Variants in CFAP206 observed in about 807,000 individuals in gnomAD.
The protein encoded by CFAP206 is cilia- and flagella-associated protein 206.
A neutral mutation model predicts 65.4 loss-of-function variants in CFAP206; 53 were observed. The ratio of observed to expected loss-of-function variants is 0.81; its 90% CI spans 0.65 to 1.02. The LOEUF (loss-of-function observed/expected upper bound fraction) is 1.02. CFAP206 is among the 50% of genes least tolerant of loss of function. The probability of loss-of-function intolerance (pLI) is 0.00; values close to 1 mark genes in which losing one functional copy is unlikely to be tolerated. For synonymous variants in CFAP206, 250 were observed against 254.4 expected, an observed-to-expected ratio of 0.98 and a Z score of 0.17; for missense variants, 663 against 753.2, an observed-to-expected ratio of 0.88 and a Z score of 1.40.
At chr6:87,420,765 G>A (rs571938176) in intron 7 of CFAP206, among the ~76,000 whole-genome samples, 103 of 152,244 alleles carry the variant, frequency 6.8e-4, no homozygotes, top group Non-Finnish European at 1.3e-3. Context: ...TTTCCATACA[G>A]TATCTCATTT....
At position 87,410,588 on chromosome 6, in the gene CFAP206, A is replaced by G. The variant is rs764791876; in HGVS notation, c.112A>G (p.Lys38Glu). The G allele has an allele frequency of 6.2e-7, 1 of 1,612,968 alleles. No individual in the cohort carries two copies. Among genetic ancestry groups the G allele is most frequent in the South Asian group, 1.1e-5 (1 of 90,978 alleles). Residue 38 changes from lysine to glutamate, a missense_variant, in exon 3 of 13, where the codon AAA (lysine) becomes GAA (glutamate). Lys to Glu is a moderately conservative substitution (Grantham distance 56). Transcript: ENST00000369562. ...ACTCGTTCCTACTTTTTTCTAGGTG[A>G]AAGCTGTTGTCCTGGATCCAAGTAA... ...VSETLIAFMV[K>E]AVVLDPSNGF...
In CFAP206 at chr6:87,418,422, T is replaced by C. The variant is rs777928221; in HGVS notation, c.840+6T>C. The C allele has an allele frequency of 6.2e-7, 1 of 1,612,756 alleles. No homozygotes were observed. The highest frequency in any genetic ancestry group is 8.5e-7 in the Non-Finnish European group (1 of 1,178,962). On this transcript the variant is annotated splice_donor_region_variant and intron_variant, in intron 7 of 12. Transcript: ENST00000369562. ...TCTTCCTTCAGATCATTTTGGTGAG[T>C]TAAGTTCATAAGACCTGACCTTTTC...
rs139800738 is a variant in CFAP206 at position 87,464,240 on chromosome 6, A to G, written c.1859A>G (p.Asp620Gly). 9.8e-5 allele frequency: 158 copies of G among 1,612,492 alleles called. No individual in the cohort carries two copies. The highest frequency in any genetic ancestry group is 1.2e-4 in the Non-Finnish European group (147 of 1,178,918). ...AAGGTGAACTTAACTAGAGATGTGG[A>G]TGAAACCTAATTACAGACAACGTTT... ...EVKVNLTRDV[D>G]ET Residue 620 changes from aspartate to glycine, a missense_variant, in exon 13 of 13, where the codon GAT (aspartate) becomes GGT (glycine). By Grantham distance (94) the Asp-to-Gly change is moderately conservative. Coordinates refer to ENST00000369562, the MANE Select transcript of CFAP206 (RefSeq NM_001031743.3).
chr6:87,412,443 G>A (rs547507445), intron 3 of CFAP206, among the ~76,000 whole-genome samples: 1 of 152,086 alleles, frequency 6.6e-6, no homozygotes, highest in African/African-American at 2.4e-5. Flanking sequence ...GGAAGTGGGG[G>A]AGGGAGGTGA....
intron 11 of CFAP206, among the ~76,000 whole-genome samples, chr6:87,459,327 C>G (rs13195057): frequency 0.043 from 6,571 of 152,118 alleles, 196 homozygotes; most frequent in Middle Eastern, 0.092. Context: ...GTCTTTTTAT[C>G]CTTCTATTTC....
chr6:87,434,957 T>C lies in CFAP206; in HGVS notation c.1398T>C (p.Tyr466=). The change falls in exon 11 of 13, where the codon TAT becomes TAC. Residue 466 remains tyrosine, a synonymous_variant. Coordinates refer to ENST00000369562, the MANE Select transcript of CFAP206 (RefSeq NM_001031743.3). ...CATTTGCAGAAAATCCTGAACATTATATTGACATAGTTAGAGAAAAGGCCA... is the reference window on the plus strand; with the variant it reads ...CATTTGCAGAAAATCCTGAACATTACATTGACATAGTTAGAGAAAAGGCCA... ...AYSFAENPEH[Y]IDIVREKAKK... is the part of the protein sequence containing the mutation. 1 of 1,590,040 alleles carries C rather than the reference T, an allele frequency of 6.3e-7. No homozygotes were observed. Among genetic ancestry groups the C allele is most frequent in the South Asian group, 1.1e-5 (1 of 89,110 alleles).
At chr6:87,447,262 G>C (rs1005465177) in intron 11 of CFAP206, among the ~76,000 whole-genome samples, 3 of 152,126 alleles carry the variant, frequency 2.0e-5, no homozygotes, top group Admixed American at 2.0e-4. Context: ...TCCTTGTCTT[G>C]TGCTGGTTTT....
At chr6:87,432,072 G>T (rs116089320) in intron 10 of CFAP206, among the ~76,000 whole-genome samples, 1 of 152,172 alleles carries the variant, frequency 6.6e-6, no homozygotes, top group Non-Finnish European at 1.5e-5. Context: ...GAAAAAGCCT[G>T]CCAGGGCTAG....
chr6:87,438,084 A>T (rs9450682), intron 11 of CFAP206, among the ~76,000 whole-genome samples: 38,615 of 151,982 alleles, frequency 0.25, 4,973 homozygotes, highest in African/African-American at 0.27. Flanking sequence ...TACACTTGCC[A>T]TAGTAAACCA....
chr6:87,438,094 A>C (rs2127953552), intron 11 of CFAP206, among the ~76,000 whole-genome samples: 1 of 152,258 alleles, frequency 6.6e-6, no homozygotes, highest in Non-Finnish European at 1.5e-5. Flanking sequence ...ATAGTAAACC[A>C]TGTGTGTATT....
At chr6:87,443,619 A>T (rs938224659) in intron 11 of CFAP206, among the ~76,000 whole-genome samples, 3 of 152,142 alleles carry the variant, frequency 2.0e-5, no homozygotes, top group Non-Finnish European at 4.4e-5. Flanking sequence ...TAAGTTTTTT[A>T]AAAATGATTA....
intron 11 of CFAP206, among the ~76,000 whole-genome samples, chr6:87,458,083 C>T (rs1411714209): frequency 6.6e-6 from 1 of 152,164 alleles, no homozygotes; most frequent in Non-Finnish European, 1.5e-5. Flanking sequence ...CTCAACATCA[C>T]TGATCATCAG....
chr6:87,427,570 C>A (rs1161593423), intron 8 of CFAP206, among the ~76,000 whole-genome samples: 1 of 152,084 alleles, frequency 6.6e-6, no homozygotes, highest in African/African-American at 2.4e-5. Flanking sequence ...TTGATTTTTT[C>A]ATTTGTTCTA....
chr6:87,453,260 A>G (rs6911783), intron 11 of CFAP206, among the ~76,000 whole-genome samples: 43,775 of 152,000 alleles, frequency 0.29, 6,447 homozygotes, highest in Admixed American at 0.38. Flanking sequence ...ACATGAAGGA[A>G]AAATAAAGAC....
intron 7 of CFAP206, among the ~76,000 whole-genome samples, chr6:87,421,877 A>C (rs117877098): frequency 1.3e-3 from 193 of 152,326 alleles, no homozygotes; most frequent in Non-Finnish European, 2.5e-3. Context: ...GTTAGGTGGA[A>C]TTTGTGCTTG....
chr6:87,441,825 A>G, intron 11 of CFAP206: 1 of 268,630 alleles, frequency 3.7e-6, no homozygotes, highest in South Asian at 4.5e-5. Flanking sequence ...GAATAAGAGA[A>G]GCTTTTCATT....
chr6:87,433,307 G>A (rs901620680), intron 10 of CFAP206, among the ~76,000 whole-genome samples: 2 of 152,012 alleles, frequency 1.3e-5, no homozygotes, highest in Admixed American at 1.3e-4. Flanking sequence ...TTGAGAGCAG[G>A]GAATTTGTTA....
chr6:87,423,540 C>T (rs1767986172), intron 7 of CFAP206, among the ~76,000 whole-genome samples: 3 of 152,208 alleles, frequency 2.0e-5, no homozygotes, highest in South Asian at 2.1e-4. Flanking sequence ...TGAGCCACCG[C>T]GCCCGGCCCA....
intron 11 of CFAP206, among the ~76,000 whole-genome samples, chr6:87,438,189 G>T (rs893245720): frequency 6.6e-6 from 1 of 152,052 alleles, no homozygotes; most frequent in Non-Finnish European, 1.5e-5. Context: ...CTGACCAGGC[G>T]TGGTGGCTCA....
Sources: allele counts gnomAD v4.1 joint callset (sites outside exome capture counted in the v4.1 genomes callset), GRCh38; gene constraint gnomAD v4.1.1; transcripts MANE v1.5; gene names NCBI Gene and HGNC (gene_info 2026-07-23, HGNC 2026-07-21).